PPID: variants seen among roughly 807,000 people sequenced by gnomAD.
PPID encodes peptidylprolyl isomerase D.
A neutral mutation model predicts 48.1 loss-of-function variants in PPID; 47 were observed. That is an observed-to-expected ratio of 0.98 (90% CI 0.77 to 1.25). The LOEUF is 1.25. PPID is among the 50% of genes most tolerant of loss of function. The pLI, the probability that PPID is intolerant of heterozygous loss-of-function variation, is 0.00. For synonymous variants in PPID, 163 were observed against 148.8 expected (o/e 1.10, Z -0.69); for missense variants, 429 against 443.5 (o/e 0.97, Z 0.29).
At chr4:158,712,304 C>T (rs1561254641) in intron 7 of PPID, among the ~76,000 whole-genome samples, 2 of 152,206 alleles carry the variant, frequency 1.3e-5, no homozygotes, top group East Asian at 1.9e-4. Flanking sequence ...ATTCTCCATA[C>T]ACAAGTCCTG....
intron 6 of PPID, 85 bp downstream of exon 6, chr4:158,715,212 G>A (rs935908417): frequency 1.8e-6 from 2 of 1,129,372 alleles, no homozygotes; most frequent in East Asian, 5.8e-5. Flanking sequence ...CAAGTAATTT[G>A]CAAAAATATA....
chr4:158,709,795 G>C lies in PPID; in HGVS notation c.1054C>G (p.Gln352Glu). 1.2e-6 allele frequency: 2 copies of C among 1,611,196 alleles called. No homozygotes were observed. Among genetic ancestry groups the C allele is most frequent in the Non-Finnish European group, 1.7e-6 (2 of 1,178,526 alleles). ...TTATCTTTCTGTGCCTTTATCTTTT[G>C]TTTGACTTTCAGCAATTCTGCCTGG... The part of the protein sequence containing the change: ...AIQAELLKVK[Q>E]KIKAQKDKEK... The change falls in exon 10 of 10, where the codon CAA becomes GAA. Residue 352 changes from glutamine to glutamate, a missense_variant. Physicochemically the swap from Gln to Glu is conservative, Grantham distance 29. Coordinates refer to ENST00000307720, the MANE Select transcript of PPID (RefSeq NM_005038.3).
chr4:158,719,154 A>G, intron 3 of PPID, 26 bp downstream of exon 3: 1 of 1,418,024 alleles, frequency 7.1e-7, no homozygotes, highest in Non-Finnish European at 9.9e-7. Context: ...TTTTATCAGC[A>G]ATAACATGCA....
In PPID at chr4:158,713,205, G is replaced by A. The variant is rs1203927418; in HGVS notation, c.808C>T (p.Pro270Ser). 1.5e-5 allele frequency: 25 copies of A among 1,613,664 alleles called. No homozygotes were observed. The highest frequency in any genetic ancestry group is 2.0e-5 in the Non-Finnish European group (24 of 1,179,794). ...TTCAGTACACAGCTTAAAGCTATAGGTTGCAGCTTGGCTCTATCTGCTGTC... is the reference window on the plus strand; with the variant it reads ...TTCAGTACACAGCTTAAAGCTATAGATTGCAGCTTGGCTCTATCTGCTGTC... ...IETADRAKLQ[P>S]IALSCVLNIG... The change falls in exon 7 of 10, where the codon CCT becomes TCT. Residue 270 changes from proline to serine, a missense_variant. Transcript: ENST00000307720.
chr4:158,723,180 C>T (rs1171199176), intron 1 of PPID, 24 bp downstream of exon 1: 1 of 1,604,762 alleles, frequency 6.2e-7, no homozygotes. Context: ...CGGGGCTTTT[C>T]CGCGAGCGTC....
intron 5 of PPID, 60 bp from the exon 6 acceptor site, chr4:158,715,463 T>G: frequency 6.6e-7 from 1 of 1,524,326 alleles, no homozygotes; most frequent in Non-Finnish European, 8.9e-7. Flanking sequence ...AATGCTAGAT[T>G]CTATCATATG....
Position 158,714,872 on chromosome 4 carries a change from G to C in PPID, c.752+425C>G, listed in dbSNP as rs563411492. ...CCCAAAGTGCTGGGATTATAGGCAT[G>C]AGCCACTATGCCCAGCCTAAATATG... On this transcript the variant is annotated intron_variant, in intron 6 of 9. Transcript: ENST00000307720. Among the ~76,000 whole-genome samples, 3 of 152,338 alleles carry C rather than the reference G, an allele frequency of 2.0e-5. No homozygotes were observed. In the East Asian group the frequency reaches 5.8e-4, roughly 29 times the overall value.
At position 158,717,273 on chromosome 4, in the gene PPID, G is replaced by A. The variant is rs1031087182; in HGVS notation, c.334-73C>T. ...TCTGAATTGTGTGTTAGTCTGAACT[G>A]TTCTTTTACTGAACATAAAACTGGG... On this transcript the variant is annotated intron_variant, in intron 3 of 9. Transcript: ENST00000307720. 9 of 1,373,232 alleles carry A rather than the reference G, an allele frequency of 6.6e-6. No homozygotes were observed. In the African/African-American group the frequency reaches 1.2e-4, roughly 18 times the overall value. The allele number at this position is 1,373,232 out of a possible 1,614,324, so 85.1% of individuals were successfully genotyped here.
intron 1 of PPID, among the ~76,000 whole-genome samples, chr4:158,721,822 G>A (rs1203263058): frequency 1.3e-5 from 2 of 152,094 alleles, no homozygotes; most frequent in African/African-American, 2.4e-5. Flanking sequence ...TTGTCTTCCT[G>A]TGCCCAGCTT....
At chr4:158,714,560 T>G (rs904343501) in intron 6 of PPID, among the ~76,000 whole-genome samples, 9 of 151,274 alleles carry the variant, frequency 5.9e-5, no homozygotes, top group Non-Finnish European at 1.2e-4. Context: ...TCTAAGAAAT[T>G]GAAACAACTG....
rs1774990256 is a variant in PPID at position 158,723,103 on chromosome 4, A to G, written c.85+101T>C. 4 of 1,204,590 alleles carry G rather than the reference A, an allele frequency of 3.3e-6. No individual in the cohort carries two copies. The African/African-American group carries it at 4.5e-5, about 14-fold the overall frequency. 74.6% of individuals were successfully genotyped at this position (1,204,590 alleles called of 1,614,324 possible). A position where few individuals can be genotyped will look rare whatever the true frequency, so the allele number is the denominator to read the frequency against. On this transcript the variant is annotated intron_variant, in intron 1 of 9. Coordinates refer to ENST00000307720, the MANE Select transcript of PPID (RefSeq NM_005038.3). ...GGCAGCCATCCCCTCCGCGAAACTGAGCAGTCACCGGCCGGAGCCGCATTC... is the reference window on the plus strand; with the variant it reads ...GGCAGCCATCCCCTCCGCGAAACTGGGCAGTCACCGGCCGGAGCCGCATTC...
At chr4:158,721,548 T>C in intron 1 of PPID, 65 bp from the exon 2 acceptor site, 1 of 1,545,712 alleles carries the variant, frequency 6.5e-7, no homozygotes, top group South Asian at 1.2e-5. Flanking sequence ...AAAAAGAAGG[T>C]TGGTATAATT....
Position 158,709,504 on chromosome 4 carries a change from C to T in PPID, c.*232G>A. The stretch of plus-strand genomic sequence containing the variant: ...CCGAGATTGCGCCACCGCACTCCAG[C>T]CTGGGTGACAGAGCAAGACTCCATC... On this transcript the variant is annotated 3_prime_UTR_variant, in exon 10 of 10. Coordinates refer to ENST00000307720, the MANE Select transcript of PPID (RefSeq NM_005038.3). 3.2e-6 allele frequency: 1 copy of T among 317,004 alleles called. No individual in the cohort carries two copies. The highest frequency in any genetic ancestry group is 5.8e-6 in the Non-Finnish European group (1 of 173,822). 19.6% of individuals were successfully genotyped at this position (317,004 alleles called of 1,614,324 possible).
At chr4:158,712,525 G>C (rs1774806586) in intron 7 of PPID, among the ~76,000 whole-genome samples, 1 of 152,198 alleles carries the variant, frequency 6.6e-6, no homozygotes, top group Non-Finnish European at 1.5e-5. Flanking sequence ...GGGAGGCCAA[G>C]GCGGGTGGAT....
intron 7 of PPID, 26 bp downstream of exon 7, chr4:158,713,093 A>G (rs760735366): frequency 1.2e-6 from 2 of 1,612,338 alleles, no homozygotes; most frequent in Admixed American, 1.7e-5. Flanking sequence ...AACTTATTCA[A>G]AAAGTTCAAA....
intron 1 of PPID, among the ~76,000 whole-genome samples, chr4:158,722,204 C>T (rs545695268): frequency 6.6e-6 from 1 of 152,254 alleles, no homozygotes; most frequent in South Asian, 2.1e-4. Flanking sequence ...AAGATTAGCA[C>T]CATGTAAGAG....
chr4:158,710,194 C>T (rs1774761992), intron 9 of PPID: 1 of 334,650 alleles, frequency 3.0e-6, no homozygotes, highest in African/African-American at 2.2e-5. Flanking sequence ...TTTCCTAAAA[C>T]ATATAACCAG....
At chr4:158,710,721 T>G (rs903871082) in intron 8 of PPID, 41 bp downstream of exon 8, 1 of 1,609,280 alleles carries the variant, frequency 6.2e-7, no homozygotes, top group African/African-American at 1.3e-5. Flanking sequence ...ATAAAGGTAG[T>G]TGTCTATTTT....
intron 2 of PPID, among the ~76,000 whole-genome samples, chr4:158,720,549 C>A (rs1231547184): frequency 6.6e-6 from 1 of 152,064 alleles, no homozygotes; most frequent in Non-Finnish European, 1.5e-5. Flanking sequence ...TTGGGAGAAC[C>A]ATTATCACTA....
Sources: allele counts gnomAD v4.1 joint callset (sites outside exome capture counted in the v4.1 genomes callset), GRCh38; gene constraint gnomAD v4.1.1; transcripts MANE v1.5; gene names NCBI Gene and HGNC (gene_info 2026-07-23, HGNC 2026-07-21).